The following NEO1 variants were observed in gnomAD, a reference collection of about 807,000 sequenced individuals.
NEO1 encodes the protein neogenin.
A neutral mutation model predicts 159.7 loss-of-function variants in NEO1; 63 were observed. The observed-to-expected ratio is 0.39, with a 90% CI of 0.32 to 0.49. The LOEUF is 0.49. Ranked by LOEUF, NEO1 falls within the 20% of genes least tolerant of loss-of-function variation. The pLI is 0.85. For synonymous variants in NEO1, 633 were observed against 662.0 expected (o/e 0.96, Z 0.67); for missense variants, 1,615 against 1,831.0 (o/e 0.88, Z 2.15).
At chr15:73,241,017 C>G (rs1447318287) in intron 8 of NEO1, among the ~76,000 whole-genome samples, 1 of 152,120 alleles carries the variant, frequency 6.6e-6, no homozygotes, top group Non-Finnish European at 1.5e-5. Flanking sequence ...GAATGTATGC[C>G]ACTACCTGCA....
At chr15:73,059,260 G>A (rs958575122) in intron 1 of NEO1, among the ~76,000 whole-genome samples, 1 of 152,156 alleles carries the variant, frequency 6.6e-6, no homozygotes, top group African/African-American at 2.4e-5. Flanking sequence ...AGGTATGGTG[G>A]TTATATATGT....
intron 7 of NEO1, among the ~76,000 whole-genome samples, chr15:73,217,846 T>G (rs1220483588): frequency 6.6e-6 from 1 of 152,230 alleles, no homozygotes; most frequent in East Asian, 1.9e-4. Context: ...TGGGGTTTTC[T>G]AGATATACAA....
At chr15:73,182,637 CAA>C (rs149205680) in intron 7 of NEO1, among the ~76,000 whole-genome samples, 4,242 of 152,134 alleles carry the variant, frequency 0.028, 75 homozygotes, top group East Asian at 0.062. Context: ...TGGTGGCAGA[CAA>C]GAGAGAATGG....
chr15:73,072,060 C>T (rs926198903), intron 1 of NEO1, among the ~76,000 whole-genome samples: 5 of 152,120 alleles, frequency 3.3e-5, no homozygotes, highest in African/African-American at 1.2e-4. Flanking sequence ...AAGCGATTCT[C>T]CTGCCTCAGC....
At position 73,302,936 on chromosome 15, in the gene NEO1, C is replaced by G. The variant is rs1213849799; in HGVS notation, c.*240C>G. Reference sequence around the variant, plus strand: ...CTTTGCCTGCTGATATTCTGCAGGACTGGGCACCATGGGCCAAAATTTTGT... The same window carrying G: ...CTTTGCCTGCTGATATTCTGCAGGAGTGGGCACCATGGGCCAAAATTTTGT... On this transcript the variant is annotated 3_prime_UTR_variant, in exon 29 of 29. Transcript: ENST00000261908. 1 of 470,630 alleles carries G rather than the reference C, an allele frequency of 2.1e-6. No individual in the cohort carries two copies. The highest frequency in any genetic ancestry group is 3.9e-6 in the Non-Finnish European group (1 of 257,400). 29.2% of individuals were successfully genotyped at this position (470,630 alleles called of 1,614,324 possible).
rs12324461 is a variant in NEO1 at position 73,151,866 on chromosome 15, T to A, written c.1015+15839T>A. 1.8e-3 allele frequency among the ~76,000 whole-genome samples: 273 copies of A among 152,336 alleles called. 1 individual carries two copies. Among genetic ancestry groups the A allele is most frequent in the African/African-American group, 6.4e-3 (266 of 41,586 alleles). ...ATTTTCTCCATGTAACCATTTGAAA[T>A]TCTCTTGAAGAAGCAAAAGAACAAT... On this transcript the variant is annotated intron_variant, in intron 5 of 28. Transcript: ENST00000261908.
chr15:73,190,000 A>G (rs2036152054), intron 7 of NEO1, among the ~76,000 whole-genome samples: 1 of 152,188 alleles, frequency 6.6e-6, no homozygotes, highest in Non-Finnish European at 1.5e-5. Context: ...AACATAAAAC[A>G]GGATTATTTT....
At chr15:73,129,406 A>G (rs1754487708) in intron 4 of NEO1, among the ~76,000 whole-genome samples, 1 of 152,198 alleles carries the variant, frequency 6.6e-6, no homozygotes, top group South Asian at 2.1e-4. Flanking sequence ...CTAGTAAAAA[A>G]AAAAGATCTT....
chr15:73,234,405 A>G (rs1319723768), intron 7 of NEO1, among the ~76,000 whole-genome samples: 2 of 152,180 alleles, frequency 1.3e-5, no homozygotes, highest in African/African-American at 2.4e-5. Flanking sequence ...CTAAGCTAGT[A>G]ACTTGGAAGT....
chr15:73,272,860 C>T (rs2041235306), intron 19 of NEO1, among the ~76,000 whole-genome samples: 1 of 150,976 alleles, frequency 6.6e-6, no homozygotes, highest in African/African-American at 2.4e-5. Flanking sequence ...GAAAGCTGCT[C>T]TTCTCTGTCT....
At chr15:73,141,055 C>G (rs2032339085) in intron 5 of NEO1, among the ~76,000 whole-genome samples, 1 of 152,164 alleles carries the variant, frequency 6.6e-6, no homozygotes, top group South Asian at 2.1e-4. Flanking sequence ...CTGTATTGTT[C>G]ATGTGTGCCA....
chr15:73,247,150 A>G (rs760233364), intron 9 of NEO1, among the ~76,000 whole-genome samples: 1 of 152,234 alleles, frequency 6.6e-6, no homozygotes, highest in African/African-American at 2.4e-5. Flanking sequence ...AGAAGAGACT[A>G]TAACATGTTT....
chr15:73,234,478 G>A (rs2039070300), intron 7 of NEO1, among the ~76,000 whole-genome samples: 1 of 152,118 alleles, frequency 6.6e-6, no homozygotes, highest in African/African-American at 2.4e-5. Context: ...CTACCTCATA[G>A]GGTTATTGTG....
chr15:73,259,516 C>T (rs1250546434), intron 14 of NEO1, among the ~76,000 whole-genome samples: 1 of 151,946 alleles, frequency 6.6e-6, no homozygotes, highest in Non-Finnish European at 1.5e-5. Flanking sequence ...TGTGTGCCAA[C>T]ACACTTAGCT....
intron 24 of NEO1, 44 bp from the exon 25 acceptor site, chr15:73,289,102 C>A: frequency 1.3e-6 from 2 of 1,515,140 alleles, no homozygotes; most frequent in Non-Finnish European, 1.8e-6. Context: ...TGCTCAGTGG[C>A]ATAGGGCACA....
intron 5 of NEO1, among the ~76,000 whole-genome samples, chr15:73,147,290 T>A (rs142922809): frequency 1.1e-4 from 17 of 152,206 alleles, no homozygotes; most frequent in African/African-American, 3.9e-4. Flanking sequence ...TTCACTTGAT[T>A]CTGTTGTCTT....
intron 9 of NEO1, among the ~76,000 whole-genome samples, 154 bp from the exon 10 acceptor site, chr15:73,248,906 T>C (rs1015235790): frequency 2.0e-5 from 3 of 152,254 alleles, no homozygotes; most frequent in African/African-American, 7.2e-5. Flanking sequence ...AAAATGTGTT[T>C]ATATATTATT....
At chr15:73,148,108 A>T (rs1244757494) in intron 5 of NEO1, among the ~76,000 whole-genome samples, 1 of 151,982 alleles carries the variant, frequency 6.6e-6, no homozygotes, top group African/African-American at 2.4e-5. Context: ...ATTATACTGC[A>T]CCTGGCAAAT....
intron 7 of NEO1, among the ~76,000 whole-genome samples, chr15:73,229,139 G>T (rs550728886): frequency 6.6e-6 from 1 of 152,064 alleles, no homozygotes; most frequent in South Asian, 2.1e-4. Context: ...ACTTTGAGTT[G>T]TTCAATTCAT....
Sources: gnomAD v4.1 joint callset for allele counts (sites outside exome capture counted in the v4.1 genomes callset) on GRCh38, gnomAD v4.1.1 for gene constraint, MANE v1.5 for transcripts, NCBI Gene and HGNC (gene_info 2026-07-23, HGNC 2026-07-21) for gene names.